Variants in MTFMT observed in about 807,000 individuals in gnomAD.
MTFMT encodes methionyl-tRNA formyltransferase, mitochondrial.
A neutral mutation model predicts 51.8 loss-of-function variants in MTFMT; 47 were observed. That is an observed-to-expected ratio of 0.91 (90% CI 0.72 to 1.16). MTFMT has a LOEUF of 1.16. Ranked by LOEUF, MTFMT falls within the 50% of genes most tolerant of loss-of-function variation. MTFMT has a pLI of 0.00. For missense variants in MTFMT, 512 were observed against 482.3 expected (o/e 1.06, Z -0.58); for synonymous variants, 196 against 176.7 (o/e 1.11, Z -0.87).
intron 1 of MTFMT, among the ~76,000 whole-genome samples, chr15:65,027,966 C>T (rs2086441358): frequency 6.6e-6 from 1 of 152,236 alleles, no homozygotes; most frequent in East Asian, 1.9e-4. Context: ...GTAGCACTAC[C>T]TCATCCTTTC....
At chr15:65,016,747 A>T (rs1036920881) in intron 5 of MTFMT, among the ~76,000 whole-genome samples, 1 of 152,002 alleles carries the variant, frequency 6.6e-6, no homozygotes, top group Non-Finnish European at 1.5e-5. Context: ...GGGAGTAGAA[A>T]ATGCCCTTCT....
intron 6 of MTFMT, among the ~76,000 whole-genome samples, chr15:65,008,354 C>G (rs1306540808): frequency 6.6e-6 from 1 of 152,110 alleles, no homozygotes; most frequent in Non-Finnish European, 1.5e-5. Context: ...TAACACATTT[C>G]CAACATACCT....
At chr15:65,016,670 G>A in intron 5 of MTFMT, 143 bp from the exon 6 acceptor site, 1 of 381,282 alleles carries the variant, frequency 2.6e-6, no homozygotes, top group Non-Finnish European at 4.7e-6. Context: ...CATATATCAA[G>A]TAAAAATAAT....
intron 1 of MTFMT, among the ~76,000 whole-genome samples, chr15:65,028,522 C>A (rs1369175825): frequency 1.3e-5 from 2 of 152,036 alleles, no homozygotes; most frequent in African/African-American, 2.4e-5. Flanking sequence ...GGTTTCCTTC[C>A]GGGTGTGTGC....
intron 8 of MTFMT, among the ~76,000 whole-genome samples, chr15:65,003,488 G>A (rs1266436471): frequency 6.6e-6 from 1 of 152,164 alleles, no homozygotes; most frequent in South Asian, 2.1e-4. Flanking sequence ...TTATTACCAA[G>A]GAGCGATAAC....
rs757660122 is a variant in MTFMT at position 65,026,923 on chromosome 15, C to T, written c.327G>A (p.Glu109=). ...YAVQSQLPVY[E]WPDVGSGEYD... is the part of the protein sequence containing the mutation. ...ATTCTCCAGATCCCACATCCGGCCACTCATATACGGGAAGCTGAGACTGCA... is the reference window on the plus strand; with the variant it reads ...ATTCTCCAGATCCCACATCCGGCCATTCATATACGGGAAGCTGAGACTGCA... The change falls in exon 2 of 9, where the codon GAG becomes GAA. Residue 109 remains glutamate (E), a synonymous_variant. Coordinates refer to ENST00000220058, the MANE Select transcript of MTFMT (RefSeq NM_139242.4). The T allele has an allele frequency of 1.1e-5, 18 of 1,614,002 alleles. 1 individual carries two copies. The South Asian group carries it at 2.0e-4, about 18-fold the overall frequency.
chr15:65,012,258 G>T (rs1046275723), intron 6 of MTFMT, among the ~76,000 whole-genome samples: 2 of 149,174 alleles, frequency 1.3e-5, no homozygotes, highest in Non-Finnish European at 3.0e-5. Context: ...GTATACATAT[G>T]TAACAAACCT....
intron 6 of MTFMT, 101 bp from the exon 7 acceptor site, chr15:65,006,292 G>C (rs986155082): frequency 1.2e-6 from 1 of 809,782 alleles, no homozygotes; most frequent in African/African-American, 1.7e-5. Context: ...CTTTCAATTA[G>C]AGGAATTGGG....
At chr15:65,003,669 C>G (rs914746662) in intron 8 of MTFMT, among the ~76,000 whole-genome samples, 10 of 151,440 alleles carry the variant, frequency 6.6e-5, no homozygotes, top group Admixed American at 1.3e-4. Flanking sequence ...CCAGCCTGAC[C>G]AACATGGCGA....
chr15:65,022,854 G>A (rs2086386220), intron 3 of MTFMT, among the ~76,000 whole-genome samples: 1 of 151,140 alleles, frequency 6.6e-6, no homozygotes, highest in Non-Finnish European at 1.5e-5. Context: ...CTACAGGTGT[G>A]TATCACCACA....
chr15:65,028,340 T>C (rs1015645319), intron 1 of MTFMT, among the ~76,000 whole-genome samples: 6 of 152,202 alleles, frequency 3.9e-5, no homozygotes, highest in East Asian at 1.9e-4. Context: ...TGCTTGATCT[T>C]TGAGGTCGAG....
intron 2 of MTFMT, 124 bp downstream of exon 2, chr15:65,026,707 T>C (rs2086427301): frequency 2.5e-6 from 2 of 802,248 alleles, no homozygotes; most frequent in African/African-American, 1.7e-5. Flanking sequence ...AAAAATAAAA[T>C]GGTAAAAATA....
intron 3 of MTFMT, among the ~76,000 whole-genome samples, chr15:65,022,339 G>C (rs1176002187): frequency 6.6e-6 from 1 of 151,984 alleles, no homozygotes; most frequent in Non-Finnish European, 1.5e-5. Context: ...TGTAGTCCTA[G>C]CTATTCGGGA....
At chr15:65,011,485 CTTTTTTTTTTTTTTTTTTT>C (rs536213292) in intron 6 of MTFMT, among the ~76,000 whole-genome samples, 1 of 74,078 alleles carries the variant, frequency 1.3e-5, no homozygotes, top group Non-Finnish European at 2.3e-5. Flanking sequence ...TGTAAGCTGT[CTTTTTTTTTTTTTTTTTTT>C]TTTTTTTTTG....
At position 65,029,535 on chromosome 15, in the gene MTFMT, G is replaced by A; in HGVS notation, c.79C>T (p.Arg27Ter). ...ARRGRPSPQWRALARLGWEDC... is the reference protein window; with the variant it reads ...ARRGRPSPQW ...TCCCAGCCGAGTCGGGCCAGTGCTC[G>A]CCACTGGGGACTCGGCCTCCCACGC... Residue 27 changes from arginine (R) to a stop codon, truncating the protein, a stop_gained, in exon 1 of 9, where the codon CGA becomes TGA. Coordinates refer to ENST00000220058, the MANE Select transcript of MTFMT (RefSeq NM_139242.4). LOFTEE classifies it high-confidence loss of function. The A allele has an allele frequency of 6.6e-7, 1 of 1,519,526 alleles. No homozygotes were observed. The highest frequency in any genetic ancestry group is 8.8e-7 in the Non-Finnish European group (1 of 1,135,238). 94.1% of individuals were successfully genotyped at this position (1,519,526 alleles called of 1,614,324 possible). A position where few individuals can be genotyped will look rare whatever the true frequency, so the allele number is the denominator to read the frequency against.
At chr15:65,023,531 CAG>C (rs2086393344) in intron 3 of MTFMT, 139 bp downstream of exon 3, 1 of 685,586 alleles carries the variant, frequency 1.5e-6, no homozygotes, top group Non-Finnish European at 2.4e-6. Flanking sequence ...CAGGAGAAAA[CAG>C]AAAGGATATA....
intron 6 of MTFMT, among the ~76,000 whole-genome samples, chr15:65,010,443 T>C (rs2086254646): frequency 6.6e-6 from 1 of 152,222 alleles, no homozygotes; most frequent in African/African-American, 2.4e-5. Context: ...GGACATTTCA[T>C]ATAAATGGAA....
At chr15:65,029,124 G>T in intron 1 of MTFMT, 1 of 303,226 alleles carries the variant, frequency 3.3e-6, no homozygotes, top group Non-Finnish European at 4.8e-6. Flanking sequence ...TGCAGGCAGA[G>T]CGCCCAGCCC....
intron 6 of MTFMT, 100 bp downstream of exon 6, chr15:65,016,336 A>G (rs2140481527): frequency 1.5e-6 from 1 of 687,626 alleles, no homozygotes; most frequent in Non-Finnish European, 2.5e-6. Context: ...TATTTGGGAT[A>G]TTTTTATTTG....
Sources: allele counts gnomAD v4.1 joint callset (sites outside exome capture counted in the v4.1 genomes callset), GRCh38; gene constraint gnomAD v4.1.1; transcripts MANE v1.5; gene names NCBI Gene and HGNC (gene_info 2026-07-23, HGNC 2026-07-21).